Variants in SP1 observed in about 807,000 individuals in gnomAD.
The protein encoded by SP1 is Sp1 transcription factor, also known as transcription factor Sp1.
A neutral mutation model predicts 66.3 loss-of-function variants in SP1; 6 were observed. The observed-to-expected ratio is 0.09, with a 90% CI of 0.05 to 0.18. The LOEUF (loss-of-function observed/expected upper bound fraction) is 0.18, where lower values mean the gene tolerates loss of function less well. Ranked by LOEUF, SP1 falls within the 10% of genes least tolerant of loss-of-function variation. SP1 has a pLI of 1.00. For synonymous variants in SP1, 417 were observed against 360.8 expected, an observed-to-expected ratio of 1.16 and a Z score of -1.77; for missense variants, 848 against 964.5, an observed-to-expected ratio of 0.88 and a Z score of 1.60.
In SP1 at chr12:53,412,247, A is replaced by G. The variant is rs1417299559; in HGVS notation, c.*1007A>G. 6.6e-6 allele frequency: 1 copy of G among 152,606 alleles called. No homozygotes were observed. The highest frequency in any genetic ancestry group is 1.5e-5 in the Non-Finnish European group (1 of 68,028). 9.5% of individuals were successfully genotyped at this position (152,606 alleles called of 1,614,324 possible). ...ATTGTACAAGAGTCCCTTTGAAGAT[A>G]ATAATCTTGGCTCAGTTTGTATAAA... On this transcript the variant is annotated 3_prime_UTR_variant, in exon 6 of 6. Transcript: ENST00000327443.
chr12:53,413,588 G>GATAC lies in SP1; in HGVS notation c.*2350_*2353dup, dbSNP rs1300022124. 6.6e-6 allele frequency: 1 copy of GATAC among 152,582 alleles called. No individual in the cohort carries two copies. The highest frequency in any genetic ancestry group is 2.4e-5 in the African/African-American group (1 of 41,424). 9.5% of individuals were successfully genotyped at this position (152,582 alleles called of 1,614,324 possible). On this transcript the variant is annotated 3_prime_UTR_variant, in exon 6 of 6. Transcript: ENST00000327443. Reference sequence around the variant, plus strand: ...CCAGATCAAATTCTATTAACGCTGAGATACAAGTCATCCATGCACAGCCAC... The same window carrying GATAC: ...CCAGATCAAATTCTATTAACGCTGAGATACATACAAGTCATCCATGCACAGCCAC...
chr12:53,410,629 CCG>C (rs1938863488), intron 5 of SP1, among the ~76,000 whole-genome samples: 1 of 151,870 alleles, frequency 6.6e-6, no homozygotes, highest in Non-Finnish European at 1.5e-5. Context: ...CTCAGCCTCT[CCG>C]AGTAGCTGGG....
rs1938748517 is a variant in SP1 at position 53,406,746 on chromosome 12, G to A, written c.1837G>A (p.Glu613Lys). ...CACCTGCCCCTACTGTAAAGACAGTGAAGGAAGGTGAGTTGACCCAGCCAG... is the reference window on the plus strand; with the variant it reads ...CACCTGCCCCTACTGTAAAGACAGTAAAGGAAGGTGAGTTGACCCAGCCAG... ...ACTCPYCKDS[E>K]GRGSGDPGKK... The change falls in exon 4 of 6, where the codon GAA (glutamate) becomes AAA (lysine). Residue 613 changes from glutamate to lysine, a missense_variant. Physicochemically the swap from Glu to Lys is moderately conservative, Grantham distance 56. Coordinates refer to ENST00000327443, the MANE Select transcript of SP1 (RefSeq NM_138473.3). The A allele has an allele frequency of 6.2e-7, 1 of 1,612,776 alleles. No individual in the cohort carries two copies. The highest frequency in any genetic ancestry group is 1.3e-5 in the African/African-American group (1 of 74,872).
intron 3 of SP1, among the ~76,000 whole-genome samples, chr12:53,394,607 C>CTTTT (rs71443299): frequency 5.8e-4 from 34 of 58,152 alleles, no homozygotes; most frequent in African/African-American, 1.3e-3. Context: ...GAGATAAGGT[C>CTTTT]TTTTTTTTTT....
rs934282418 is a variant in SP1, at chr12:53,411,527, A to C, written c.*287A>C. On this transcript the variant is annotated 3_prime_UTR_variant, in exon 6 of 6. Coordinates refer to ENST00000327443, the MANE Select transcript of SP1 (RefSeq NM_138473.3). The stretch of plus-strand genomic sequence containing the variant: ...CTTCTTACACTTCTTACCCCAGCCT[A>C]CCCTTCCTGCATTTCTCTTCTCAGC... The C allele has an allele frequency of 7.0e-6, 2 of 286,646 alleles. No homozygotes were observed. Among genetic ancestry groups the C allele is most frequent in the East Asian group, 6.6e-5 (1 of 15,230 alleles). 17.8% of individuals were successfully genotyped at this position (286,646 alleles called of 1,614,324 possible).
Position 53,414,598 on chromosome 12 carries a change from A to G in SP1, c.*3358A>G, listed in dbSNP as rs1938959957. 2 of 152,628 alleles carry G rather than the reference A, an allele frequency of 1.3e-5. No homozygotes were observed. The highest frequency in any genetic ancestry group is 1.5e-5 in the Non-Finnish European group (1 of 68,044). The allele number at this position is 152,628 out of a possible 1,614,324, so 9.5% of individuals were successfully genotyped here. A position where few individuals can be genotyped will look rare whatever the true frequency, so the allele number is the denominator to read the frequency against. ...ATACATATATATTTTTTGCTTTTGTATATCCTATATAGGAAACTAAGCATT... is the reference window on the plus strand; with the variant it reads ...ATACATATATATTTTTTGCTTTTGTGTATCCTATATAGGAAACTAAGCATT... On this transcript the variant is annotated 3_prime_UTR_variant, in exon 6 of 6. Transcript: ENST00000327443.
intron 3 of SP1, among the ~76,000 whole-genome samples, chr12:53,393,986 G>T (rs1938412283): frequency 6.6e-6 from 1 of 151,324 alleles, no homozygotes; most frequent in Non-Finnish European, 1.5e-5. Flanking sequence ...AGGCCGAGGT[G>T]GGTGGATCAC....
chr12:53,388,673 C>T (rs921850127), intron 3 of SP1, among the ~76,000 whole-genome samples: 1 of 152,070 alleles, frequency 6.6e-6, no homozygotes, highest in East Asian at 1.9e-4. Flanking sequence ...CTTTTGCCTT[C>T]CTGCTGGCAA....
intron 4 of SP1, among the ~76,000 whole-genome samples, chr12:53,407,319 A>G (rs750128578): frequency 2.2e-4 from 20 of 89,888 alleles, no homozygotes; most frequent in South Asian, 3.9e-4. Context: ...AGAGAAAATG[A>G]AAAAAAAAAA....
At chr12:53,402,952 G>A (rs1461885878) in intron 3 of SP1, among the ~76,000 whole-genome samples, 2 of 150,122 alleles carry the variant, frequency 1.3e-5, no homozygotes, top group African/African-American at 2.5e-5. Flanking sequence ...CAGCCTGGGC[G>A]ACAGAGATTC....
chr12:53,394,009 G>C (rs535951095), intron 3 of SP1, among the ~76,000 whole-genome samples: 1 of 151,788 alleles, frequency 6.6e-6, no homozygotes, highest in African/African-American at 2.4e-5. Flanking sequence ...GAGATCGGGA[G>C]TTCAAGACCA....
In SP1 at chr12:53,385,479, C is replaced by T. The variant is rs1287860678; in HGVS notation, c.1675+1857C>T. Among the ~76,000 whole-genome samples, 7 of 150,346 alleles carry T rather than the reference C, an allele frequency of 4.7e-5. No homozygotes were observed. In the Admixed American group the frequency reaches 4.7e-4, roughly 10 times the overall value. ...GCATGGTGGCGCGCACCTGTAGTCC[C>T]AGCGACTCAGGAGCCTGAGGCAGGA... On this transcript the variant is annotated intron_variant, in intron 3 of 5. Transcript: ENST00000327443.
chr12:53,397,387 G>T (rs138952514), intron 3 of SP1, among the ~76,000 whole-genome samples: 20 of 151,136 alleles, frequency 1.3e-4, no homozygotes, highest in Admixed American at 1.1e-3. Context: ...CTCATCCTCC[G>T]CTCAAAAACC....
At chr12:53,405,828 C>T (rs974141597) in intron 3 of SP1, among the ~76,000 whole-genome samples, 4 of 151,784 alleles carry the variant, frequency 2.6e-5, no homozygotes, top group Admixed American at 6.6e-5. Context: ...ATTACAAATG[C>T]GTTATAAGTG....
intron 3 of SP1, among the ~76,000 whole-genome samples, chr12:53,387,901 A>C (rs1463426627): frequency 6.6e-6 from 1 of 151,684 alleles, no homozygotes; most frequent in African/African-American, 2.4e-5. Flanking sequence ...CAGGAGAATG[A>C]TGTGAACCTG....
intron 3 of SP1, among the ~76,000 whole-genome samples, chr12:53,392,233 T>C (rs1018142945): frequency 6.6e-6 from 1 of 152,060 alleles, no homozygotes; most frequent in African/African-American, 2.4e-5. Flanking sequence ...GAGGCTGGAG[T>C]GCAGTGGCGT....
At chr12:53,388,318 A>T (rs1465679220) in intron 3 of SP1, among the ~76,000 whole-genome samples, 1 of 152,194 alleles carries the variant, frequency 6.6e-6, no homozygotes, top group Non-Finnish European at 1.5e-5. Flanking sequence ...GAGAACAGTT[A>T]TGAGGCATTC....
rs1938154453 is a variant in SP1, at chr12:53,383,410, A to G, written c.1463A>G (p.Gln488Arg). 1 of 1,614,232 alleles carries G rather than the reference A, an allele frequency of 6.2e-7. No homozygotes were observed. The highest frequency in any genetic ancestry group is 8.5e-7 in the Non-Finnish European group (1 of 1,180,038). The change falls in exon 3 of 6, where the codon CAG becomes CGG. Residue 488 changes from glutamine (Q) to arginine (R), a missense_variant. Physicochemically the swap from Gln to Arg is conservative, Grantham distance 43. This residue lies in a region of SP1 where 606 missense variants were observed against 589.9 expected (regional missense o/e 1.03). Transcript: ENST00000327443. Reference protein sequence around the residue: ...QAQTITLAPMQGVSLGQTSSS... With the variant: ...QAQTITLAPMRGVSLGQTSSS... ...CAAACAATCACCTTAGCCCCAATGC[A>G]GGGTGTTTCCTTGGGGCAGACCAGC...
chr12:53,410,681 A>G (rs2136921123), intron 5 of SP1, among the ~76,000 whole-genome samples: 1 of 151,684 alleles, frequency 6.6e-6, no homozygotes, highest in Admixed American at 6.6e-5. Context: ...AATTTTTTGT[A>G]TTTTTAGTAG....
Sources: allele counts gnomAD v4.1 joint callset (sites outside exome capture counted in the v4.1 genomes callset), GRCh38; gene constraint gnomAD v4.1.1; regional missense constraint gnomAD v4.1.1; transcripts MANE v1.5; gene names NCBI Gene and HGNC (gene_info 2026-07-23, HGNC 2026-07-21).